VPS13B: variants seen among roughly 807,000 people sequenced by gnomAD.
VPS13B encodes vacuolar protein sorting 13 homolog B, also known as intermembrane lipid transfer protein VPS13B.
In VPS13B, 285 loss-of-function variants were observed where a neutral mutation model predicts 426.4. The ratio of observed to expected loss-of-function variants is 0.67; its 90% CI spans 0.61 to 0.74. The LOEUF is 0.74. VPS13B is among the 30% of genes least tolerant of loss of function. The pLI, the probability that VPS13B is intolerant of heterozygous loss-of-function variation, is 0.00. For synonymous variants in VPS13B, 1,676 were observed against 1,676.4 expected (o/e 1.00, Z 0.01); for missense variants, 4,537 against 4,782.6 (o/e 0.95, Z 1.51).
At chr8:99,368,262 T>C (rs550634155) in intron 19 of VPS13B, among the ~76,000 whole-genome samples, 8 of 152,348 alleles carry the variant, frequency 5.3e-5, no homozygotes, top group African/African-American at 1.9e-4. Flanking sequence ...TCTCTTATAA[T>C]TTGATTAGCC....
chr8:99,774,207 C>T (rs944323000), intron 40 of VPS13B, among the ~76,000 whole-genome samples: 17 of 152,090 alleles, frequency 1.1e-4, no homozygotes, highest in Admixed American at 5.2e-4. Context: ...TTGTTGACTC[C>T]GATTTTTAAA....
chr8:99,365,437 C>T (rs532470954), intron 19 of VPS13B, among the ~76,000 whole-genome samples: 26 of 150,890 alleles, frequency 1.7e-4, no homozygotes, highest in African/African-American at 5.1e-4. Flanking sequence ...CCCCCTTAGT[C>T]CTGCTTTTGC....
chr8:99,351,146 A>G (rs1245167439), intron 19 of VPS13B, among the ~76,000 whole-genome samples: 1 of 152,230 alleles, frequency 6.6e-6, no homozygotes, highest in East Asian at 1.9e-4. Flanking sequence ...ATTCTGAAAT[A>G]AGGCCATTTG....
Position 99,876,846 on chromosome 8 carries a change from G to C in VPS13B, c.*1180G>C, listed in dbSNP as rs1486421714. On this transcript the variant is annotated 3_prime_UTR_variant, in exon 62 of 62. Coordinates refer to ENST00000357162, the MANE Select transcript of VPS13B (RefSeq NM_152564.5). ...ATACTAAGAGAATGCAATTTTAAAT[G>C]CCCACTGGTTTTATTTGTTTTGGAG... 1.3e-5 allele frequency: 2 copies of C among 152,012 alleles called. No individual in the cohort carries two copies. The highest frequency in any genetic ancestry group is 6.6e-5 in the Admixed American group (1 of 15,252). 9.4% of individuals were successfully genotyped at this position (152,012 alleles called of 1,614,324 possible).
At chr8:99,423,317 G>A (rs1455001467) in intron 21 of VPS13B, among the ~76,000 whole-genome samples, 1 of 151,746 alleles carries the variant, frequency 6.6e-6, no homozygotes, top group Non-Finnish European at 1.5e-5. Flanking sequence ...AATGCAGTGG[G>A]GCAAACTTGA....
intron 21 of VPS13B, among the ~76,000 whole-genome samples, chr8:99,409,987 G>A (rs1037223759): frequency 1.3e-5 from 2 of 152,006 alleles, no homozygotes. Flanking sequence ...GTATGCAAAG[G>A]CATACAGAGT....
At chr8:99,430,711 C>G (rs1446580232) in intron 21 of VPS13B, among the ~76,000 whole-genome samples, 5 of 151,362 alleles carry the variant, frequency 3.3e-5, no homozygotes, top group South Asian at 2.1e-4. Flanking sequence ...CACCCCCCCC[C>G]CAACTTTTTT....
intron 3 of VPS13B, among the ~76,000 whole-genome samples, chr8:99,059,665 A>C (rs1197209825): frequency 6.6e-6 from 1 of 151,308 alleles, no homozygotes; most frequent in Non-Finnish European, 1.5e-5. Context: ...TAATTTTAAC[A>C]TGAAGTATTG....
chr8:99,640,088 A>AG (rs1829289761), intron 33 of VPS13B, among the ~76,000 whole-genome samples: 2 of 150,290 alleles, frequency 1.3e-5, no homozygotes, highest in African/African-American at 4.9e-5. Context: ...AAAGAAAAGA[A>AG]AAGAAAAGAA....
chr8:99,762,300 A>G (rs941788492), intron 39 of VPS13B, among the ~76,000 whole-genome samples: 1 of 152,124 alleles, frequency 6.6e-6, no homozygotes, highest in African/African-American at 2.4e-5. Flanking sequence ...TGCTGGGATT[A>G]TAGGAATTAA....
intron 17 of VPS13B, among the ~76,000 whole-genome samples, chr8:99,272,424 A>G (rs1018180457): frequency 1.3e-5 from 2 of 152,220 alleles, no homozygotes; most frequent in Admixed American, 1.3e-4. Flanking sequence ...AATAATATCT[A>G]TAATATAGGC....
intron 17 of VPS13B, among the ~76,000 whole-genome samples, chr8:99,237,288 T>C (rs994914727): frequency 2.6e-5 from 4 of 152,180 alleles, no homozygotes; most frequent in African/African-American, 9.7e-5. Flanking sequence ...CCCAAGTAAT[T>C]TGTGTTTGCT....
At chr8:99,539,468 C>T (rs1327404369) in intron 30 of VPS13B, among the ~76,000 whole-genome samples, 1 of 152,132 alleles carries the variant, frequency 6.6e-6, no homozygotes, top group Admixed American at 6.5e-5. Flanking sequence ...AAAATTAGGC[C>T]AGTGCCATGG....
At chr8:99,370,354 C>G (rs1318113830) in intron 19 of VPS13B, among the ~76,000 whole-genome samples, 1 of 152,136 alleles carries the variant, frequency 6.6e-6, no homozygotes, top group Non-Finnish European at 1.5e-5. Context: ...GAGAAGTGAT[C>G]TAACCTGAAG....
In VPS13B at chr8:99,642,291, A is replaced by G. The variant is rs1176179128; in HGVS notation, c.5701A>G (p.Arg1901Gly). 13 of 1,614,164 alleles carry G rather than the reference A, an allele frequency of 8.1e-6. No homozygotes were observed. The highest frequency in any genetic ancestry group is 5.0e-5 in the Admixed American group (3 of 60,010). ...LSLESLHAST[R>G]SSARQALGIT... is the part of the protein sequence containing the mutation. ...TCTTGAAAGTCTTCATGCATCCACA[A>G]GGTCATCTGCTAGACAAGCACTTGG... Residue 1901 changes from arginine to glycine, a missense_variant, in exon 34 of 62, where the codon AGG becomes GGG. Coordinates refer to ENST00000357162, the MANE Select transcript of VPS13B (RefSeq NM_152564.5).
chr8:99,427,919 G>T (rs140746044), intron 21 of VPS13B, among the ~76,000 whole-genome samples: 25,779 of 151,996 alleles, frequency 0.17, 2,726 homozygotes, highest in East Asian at 0.38. Flanking sequence ...AAACAGCATG[G>T]TACTGGTACC....
At chr8:99,680,123 G>C (rs1482666660) in intron 35 of VPS13B, among the ~76,000 whole-genome samples, 1 of 152,106 alleles carries the variant, frequency 6.6e-6, no homozygotes, top group Non-Finnish European at 1.5e-5. Flanking sequence ...TAACAAAGAA[G>C]TTTTCTTTCA....
At chr8:99,564,505 G>T (rs1266025783) in intron 31 of VPS13B, among the ~76,000 whole-genome samples, 1 of 152,202 alleles carries the variant, frequency 6.6e-6, no homozygotes, top group African/African-American at 2.4e-5. Context: ...AGGCCGGGAG[G>T]CTGGAGTTGC....
intron 19 of VPS13B, among the ~76,000 whole-genome samples, chr8:99,281,974 A>G (rs1177647829): frequency 6.6e-6 from 1 of 152,056 alleles, no homozygotes; most frequent in Non-Finnish European, 1.5e-5. Context: ...TGCAAATTTC[A>G]GCTGCTTCTT....
Sources: allele counts gnomAD v4.1 joint callset (sites outside exome capture counted in the v4.1 genomes callset), GRCh38; gene constraint gnomAD v4.1.1; transcripts MANE v1.5; gene names NCBI Gene and HGNC (gene_info 2026-07-23, HGNC 2026-07-21).